Variants in DLGAP1 observed in about 807,000 individuals in gnomAD.
The protein encoded by DLGAP1 is disks large-associated protein 1.
Under a neutral mutation model 90.8 loss-of-function variants are expected in DLGAP1, and 11 were observed. The ratio of observed to expected loss-of-function variants is 0.12; its 90% CI spans 0.08 to 0.20. DLGAP1 has a LOEUF of 0.20. Among genes scored for constraint, DLGAP1 ranks in the 10% least tolerant of loss-of-function variants. The pLI is 1.00. For missense variants in DLGAP1, 1,050 were observed against 1,333.8 expected (o/e 0.79, Z 3.31); for synonymous variants, 558 against 540.7 (o/e 1.03, Z -0.44).
At chr18:4,453,618 A>G (rs1403227918) in intron 1 of DLGAP1, among the ~76,000 whole-genome samples, 1 of 152,196 alleles carries the variant, frequency 6.6e-6, no homozygotes, top group East Asian at 1.9e-4. Context: ...TCGCTTTCCT[A>G]GTTCTCAGCA....
chr18:3,584,676 ATTCCCTGGGTGGAT>A (rs1339458392), intron 7 of DLGAP1, among the ~76,000 whole-genome samples: 1 of 152,086 alleles, frequency 6.6e-6, no homozygotes, highest in Non-Finnish European at 1.5e-5. Context: ...GTCACCCCTC[ATTCCCTGGGTGGAT>A]GACTGGCAGA....
chr18:4,119,662 C>T (rs1055145692), intron 2 of DLGAP1, among the ~76,000 whole-genome samples: 5 of 152,070 alleles, frequency 3.3e-5, no homozygotes, highest in Non-Finnish European at 4.4e-5. Context: ...TCCAACTCTT[C>T]CAAGCTAAAA....
At chr18:3,983,805 C>T (rs961407941) in intron 3 of DLGAP1, 6 of 152,152 alleles carry the variant, frequency 3.9e-5, no homozygotes, top group Non-Finnish European at 8.8e-5. Context: ...ATTCTAACGT[C>T]TACCGCATTG....
rs2064886157 is a variant in DLGAP1, at chr18:3,775,276, T to C, written c.1173-32764A>G. Reference sequence around the variant, plus strand: ...TTATGCACATCGATATGGTTTGGCTTTGTGTCCCCACACAAATCTCATGTC... The same window carrying C: ...TTATGCACATCGATATGGTTTGGCTCTGTGTCCCCACACAAATCTCATGTC... On this transcript the variant is annotated intron_variant, in intron 5 of 12. Coordinates refer to ENST00000315677, the MANE Select transcript of DLGAP1 (RefSeq NM_004746.4). The surrounding 1 kb of genome is among the most constrained non-coding windows in gnomAD (Gnocchi z 4.9). Among the ~76,000 whole-genome samples the C allele has an allele frequency of 6.6e-6, 1 of 152,194 alleles. No homozygotes were observed. Among genetic ancestry groups the C allele is most frequent in the Admixed American group, 6.5e-5 (1 of 15,282 alleles).
intron 8 of DLGAP1, chr18:3,580,153 C>G: frequency 7.9e-7 from 1 of 1,260,434 alleles, no homozygotes; most frequent in South Asian, 1.2e-5. Context: ...ATAATGTCTA[C>G]AAAGAAAATA....
intron 1 of DLGAP1, among the ~76,000 whole-genome samples, chr18:4,180,002 C>T (rs1025376270): frequency 2.6e-5 from 4 of 152,094 alleles, no homozygotes; most frequent in African/African-American, 9.7e-5. Context: ...GTCTTCTATT[C>T]TGAGCTAAGG....
At chr18:4,237,026 G>A (rs908052659) in intron 1 of DLGAP1, among the ~76,000 whole-genome samples, 2 of 152,154 alleles carry the variant, frequency 1.3e-5, no homozygotes, top group Non-Finnish European at 2.9e-5. Flanking sequence ...AGAACATTAG[G>A]GGTTTAGTCA....
intron 1 of DLGAP1, among the ~76,000 whole-genome samples, chr18:4,244,213 T>G (rs1436280798): frequency 6.6e-6 from 1 of 152,120 alleles, no homozygotes; most frequent in East Asian, 1.9e-4. Flanking sequence ...ACGGTCACCT[T>G]CCCCCTTCAA....
chr18:4,105,072 A>T (rs779090159), intron 2 of DLGAP1, among the ~76,000 whole-genome samples: 3 of 152,190 alleles, frequency 2.0e-5, no homozygotes, highest in Non-Finnish European at 4.4e-5. Context: ...GGACACAGAG[A>T]TGAGTCAAAC....
chr18:3,787,822 C>T (rs1214405558), intron 5 of DLGAP1, among the ~76,000 whole-genome samples: 1 of 152,160 alleles, frequency 6.6e-6, no homozygotes, highest in East Asian at 1.9e-4. Flanking sequence ...GACCCCCCGC[C>T]CCAAGCTCTT....
intron 8 of DLGAP1, among the ~76,000 whole-genome samples, chr18:3,570,543 T>C (rs1163257673): frequency 6.6e-6 from 1 of 151,976 alleles, no homozygotes; most frequent in Non-Finnish European, 1.5e-5. Context: ...CCTCTCAAAG[T>C]GCTGGTTGCA....
intron 1 of DLGAP1, among the ~76,000 whole-genome samples, chr18:4,185,470 T>A (rs931976242): frequency 1.3e-5 from 2 of 152,084 alleles, no homozygotes; most frequent in Non-Finnish European, 2.9e-5. Context: ...TATCCATGTG[T>A]TTTCATCGTT....
At chr18:3,511,846 G>A (rs1299223725) in intron 10 of DLGAP1, among the ~76,000 whole-genome samples, 5 of 152,158 alleles carry the variant, frequency 3.3e-5, no homozygotes, top group Non-Finnish European at 7.3e-5. Context: ...AACCATTGCA[G>A]TAGAGAATGA....
rs563989161 is a variant in DLGAP1 at position 3,882,972 on chromosome 18, G to A, written c.-72-2832C>T. Among the ~76,000 whole-genome samples, 31 of 152,286 alleles carry A rather than the reference G, an allele frequency of 2.0e-4. 1 individual carries two copies. In the South Asian group the frequency reaches 2.1e-3, roughly 10 times the overall value. On this transcript the variant is annotated intron_variant, in intron 3 of 12. Transcript: ENST00000315677. ...AAACAAAACATATAGTGCTGGGTGC[G>A]GTGGCTCACGCCTGTAATCCTAGCA... is the stretch of plus-strand genomic sequence containing the variant.
chr18:4,399,727 G>A (rs1282186693), intron 1 of DLGAP1, among the ~76,000 whole-genome samples: 1 of 152,150 alleles, frequency 6.6e-6, no homozygotes. Context: ...CAGAGAGGCA[G>A]GTAGAGAAGC....
At chr18:3,826,602 TGAGTG>T (rs1317725393) in intron 4 of DLGAP1, among the ~76,000 whole-genome samples, 1 of 151,726 alleles carries the variant, frequency 6.6e-6, no homozygotes, top group Non-Finnish European at 1.5e-5. Context: ...GGAGGCCAGG[TGAGTG>T]GAGTGGAGTG....
intron 1 of DLGAP1, among the ~76,000 whole-genome samples, chr18:4,382,593 G>A (rs918281420): frequency 6.0e-5 from 9 of 150,920 alleles, no homozygotes; most frequent in Middle Eastern, 6.9e-3. Flanking sequence ...AGGACAATCA[G>A]TTACTTTGCA....
intron 1 of DLGAP1, among the ~76,000 whole-genome samples, chr18:4,389,231 C>T (rs1342257488): frequency 1.3e-5 from 2 of 152,138 alleles, no homozygotes; most frequent in Non-Finnish European, 2.9e-5. Flanking sequence ...ACCTTGAGAA[C>T]ATTATACTAA....
chr18:4,031,681 G>A (rs946502451), intron 2 of DLGAP1, among the ~76,000 whole-genome samples: 2 of 152,150 alleles, frequency 1.3e-5, no homozygotes, highest in Non-Finnish European at 2.9e-5. Flanking sequence ...AGGAGGATGA[G>A]TCTTTGAGGG....
Sources: gnomAD v4.1 joint callset for allele counts (sites outside exome capture counted in the v4.1 genomes callset) on GRCh38, gnomAD v4.1.1 for gene constraint, Gnocchi (gnomAD v3.1) non-coding constraint, MANE v1.5 for transcripts, NCBI Gene and HGNC (gene_info 2026-07-23, HGNC 2026-07-21) for gene names.